Variants in PTPN14 observed in about 807,000 individuals in gnomAD.
The protein encoded by PTPN14 is tyrosine-protein phosphatase non-receptor type 14.
A neutral mutation model predicts 126.8 loss-of-function variants in PTPN14; 53 were observed. The observed-to-expected ratio is 0.42, with a 90% CI of 0.34 to 0.53. The LOEUF is 0.53. PTPN14 is among the 20% of genes least tolerant of loss of function. PTPN14 has a pLI of 0.08. For synonymous variants in PTPN14, 630 were observed against 599.3 expected (o/e 1.05, Z -0.75); for missense variants, 1,257 against 1,552.9 (o/e 0.81, Z 3.20).
chr1:214,437,387 T>G (rs1033785480), intron 3 of PTPN14, among the ~76,000 whole-genome samples: 6 of 152,122 alleles, frequency 3.9e-5, no homozygotes, highest in Admixed American at 3.3e-4. Context: ...TAGAGTAGTA[T>G]AATTCAGGCC....
chr1:214,498,991 G>A (rs1654613823), intron 1 of PTPN14, among the ~76,000 whole-genome samples: 1 of 152,022 alleles, frequency 6.6e-6, no homozygotes, highest in African/African-American at 2.4e-5. Context: ...TTATTTTATA[G>A]AGACAGTCTC....
intron 1 of PTPN14, among the ~76,000 whole-genome samples, chr1:214,497,850 G>A (rs552610344): frequency 6.6e-6 from 1 of 151,232 alleles, no homozygotes; most frequent in Admixed American, 6.6e-5. Flanking sequence ...TTCTTAGGGG[G>A]AAAAAAAAGG....
chr1:214,424,674 T>C (rs929219127), intron 3 of PTPN14, among the ~76,000 whole-genome samples: 10 of 152,062 alleles, frequency 6.6e-5, no homozygotes, highest in Admixed American at 1.3e-4. Context: ...ACTAAAGGTG[T>C]GTGCCACCAC....
chr1:214,390,267 ATC>A (rs1658718572), intron 11 of PTPN14, among the ~76,000 whole-genome samples: 2 of 152,380 alleles, frequency 1.3e-5, no homozygotes, highest in South Asian at 4.1e-4. Context: ...AATTCTTAAC[ATC>A]TGTTATCCTT....
intron 1 of PTPN14, among the ~76,000 whole-genome samples, chr1:214,503,754 G>A (rs897255940): frequency 6.6e-6 from 1 of 152,214 alleles, no homozygotes; most frequent in Non-Finnish European, 1.5e-5. Flanking sequence ...GCAATGTTGT[G>A]AGTCATTTTA....
intron 1 of PTPN14, among the ~76,000 whole-genome samples, chr1:214,471,920 C>A (rs10158490): frequency 0.091 from 13,784 of 152,224 alleles, 639 homozygotes; most frequent in South Asian, 0.12. Context: ...ATTGATATGA[C>A]ATTCCCTTGG....
In PTPN14 at chr1:214,354,353, T is replaced by C. The variant is rs1657767926; in HGVS notation, c.*3569A>G. On this transcript the variant is annotated 3_prime_UTR_variant, in exon 19 of 19. Transcript: ENST00000366956. Reference sequence around the variant, plus strand: ...CTTATTGTTTAGCTCCGACTGAATATTGCAGCTCATTCATCTTTACTCCTA... The same window carrying C: ...CTTATTGTTTAGCTCCGACTGAATACTGCAGCTCATTCATCTTTACTCCTA... 6.6e-6 allele frequency: 1 copy of C among 152,248 alleles called. No individual in the cohort carries two copies. Among genetic ancestry groups the C allele is most frequent in the African/African-American group, 2.4e-5 (1 of 41,466 alleles). The allele number at this position is 152,248 out of a possible 1,614,324, so 9.4% of individuals were successfully genotyped here.
In PTPN14 at chr1:214,356,070, T is replaced by A. The variant is rs956558310; in HGVS notation, c.*1852A>T. Reference sequence around the variant, plus strand: ...AATTCTTAGAATCAGGTGATCCTCCTGCCTCAGCCTCCCGAGCAGCTGGGA... The same window carrying A: ...AATTCTTAGAATCAGGTGATCCTCCAGCCTCAGCCTCCCGAGCAGCTGGGA... On this transcript the variant is annotated 3_prime_UTR_variant, in exon 19 of 19. Transcript: ENST00000366956. 6.6e-6 allele frequency: 1 copy of A among 151,358 alleles called. No homozygotes were observed. Among genetic ancestry groups the A allele is most frequent in the Non-Finnish European group, 1.5e-5 (1 of 67,906 alleles). 9.4% of individuals were successfully genotyped at this position (151,358 alleles called of 1,614,324 possible).
At position 214,372,756 on chromosome 1, in the gene PTPN14, C is replaced by T. The variant is rs951636825; in HGVS notation, c.2991G>A (p.Val997=). Residue 997 remains valine (V), a synonymous_variant, in exon 16 of 19, where the codon GTG becomes GTA. Coordinates refer to ENST00000366956, the MANE Select transcript of PTPN14 (RefSeq NM_005401.5). ...CAATCACATTCACTCCCTGCTCCCA[C>T]ACCATCTGCCAGAAGTCGTGGCACG... ...PHTCHDFWQM[V]WEQGVNVIAM... 8 of 1,614,086 alleles carry T rather than the reference C, an allele frequency of 5.0e-6. No individual in the cohort carries two copies. Among genetic ancestry groups the T allele is most frequent in the East Asian group, 2.2e-5 (1 of 44,886 alleles).
chr1:214,434,777 C>G (rs1659875368), intron 3 of PTPN14, among the ~76,000 whole-genome samples: 1 of 152,098 alleles, frequency 6.6e-6, no homozygotes, highest in Non-Finnish European at 1.5e-5. Flanking sequence ...GGTCTTTGGG[C>G]TGCACACAGG....
chr1:214,537,775 T>C (rs1233793300), intron 1 of PTPN14, among the ~76,000 whole-genome samples: 1 of 152,226 alleles, frequency 6.6e-6, no homozygotes, highest in East Asian at 1.9e-4. Context: ...AAGAGTAGTT[T>C]GATAACCATC....
chr1:214,384,860 A>C lies in PTPN14; in HGVS notation c.1067-72T>G. 309 of 1,506,096 alleles carry C rather than the reference A, an allele frequency of 2.1e-4. No individual in the cohort carries two copies. The highest frequency in any genetic ancestry group is 2.5e-4 in the Non-Finnish European group (283 of 1,122,558). The allele number at this position is 1,506,096 out of a possible 1,614,324, so 93.3% of individuals were successfully genotyped here. A position where few individuals can be genotyped will look rare whatever the true frequency, so the allele number is the denominator to read the frequency against. On this transcript the variant is annotated intron_variant, in intron 12 of 18. Transcript: ENST00000366956. The surrounding 1 kb of genome is among the most constrained non-coding windows in gnomAD (Gnocchi z 5.3). ...CACAACAAAGTACATCCTCATACTC[A>C]TGAGGTGACTTTTAATTTAAACAAA...
intron 13 of PTPN14, among the ~76,000 whole-genome samples, chr1:214,382,474 A>T: frequency 6.6e-6 from 1 of 152,312 alleles, no homozygotes; most frequent in South Asian, 2.1e-4. Context: ...GGCTCCTGCC[A>T]TCATGTCTGG....
At chr1:214,550,942 C>G (rs1656093388) in intron 1 of PTPN14, among the ~76,000 whole-genome samples, 1 of 152,242 alleles carries the variant, frequency 6.6e-6, no homozygotes, top group East Asian at 1.9e-4. Flanking sequence ...ACTCCCCAGA[C>G]TGCGCTCACC....
At chr1:214,511,750 GC>G (rs1402445519) in intron 1 of PTPN14, among the ~76,000 whole-genome samples, 1 of 152,150 alleles carries the variant, frequency 6.6e-6, no homozygotes, top group African/African-American at 2.4e-5. Flanking sequence ...TTCATGGCAG[GC>G]AAAAGGTGGA....
At chr1:214,419,350 A>G (rs1400616437) in intron 3 of PTPN14, among the ~76,000 whole-genome samples, 1 of 152,096 alleles carries the variant, frequency 6.6e-6, no homozygotes, top group Non-Finnish European at 1.5e-5. Context: ...ATCTCTCCCC[A>G]TAGGCACGGT....
chr1:214,457,414 G>T (rs12072845), intron 2 of PTPN14, among the ~76,000 whole-genome samples: 1 of 152,002 alleles, frequency 6.6e-6, no homozygotes, highest in African/African-American at 2.4e-5. Context: ...TCTCCAGAGC[G>T]CTGGATTTCC....
rs146045621 is a variant in PTPN14 at position 214,542,979 on chromosome 1, T to C, written c.-155+8204A>G. ...GCCAAGCTTGTGATTTGGGGGGGAATATCAATGATATCACTGCTGCTTATT... is the reference window on the plus strand; with the variant it reads ...GCCAAGCTTGTGATTTGGGGGGGAACATCAATGATATCACTGCTGCTTATT... On this transcript the variant is annotated intron_variant, in intron 1 of 18. Transcript: ENST00000366956. 6.4e-3 allele frequency among the ~76,000 whole-genome samples: 969 copies of C among 152,254 alleles called. 9 individuals carry two copies. Among genetic ancestry groups the C allele is most frequent in the Non-Finnish European group, 0.01 (707 of 68,024 alleles).
chr1:214,441,104 T>C (rs1660028871), intron 3 of PTPN14, among the ~76,000 whole-genome samples: 2 of 152,222 alleles, frequency 1.3e-5, no homozygotes, highest in South Asian at 4.1e-4. Context: ...AAAGACTCCA[T>C]TTATGTGATG....
Sources: gnomAD v4.1 joint callset for allele counts (sites outside exome capture counted in the v4.1 genomes callset) on GRCh38, gnomAD v4.1.1 for gene constraint, Gnocchi (gnomAD v3.1) non-coding constraint, MANE v1.5 for transcripts, NCBI Gene and HGNC (gene_info 2026-07-23, HGNC 2026-07-21) for gene names.